The following MAST4 variants were observed in gnomAD, a reference collection of about 807,000 sequenced individuals.
MAST4 encodes microtubule associated serine/threonine kinase family member 4, also known as microtubule-associated serine/threonine-protein kinase 4.
A neutral mutation model predicts 162.7 loss-of-function variants in MAST4; 89 were observed. The observed-to-expected ratio is 0.55, with a 90% confidence interval of 0.46 to 0.65. The LOEUF is 0.65. Among genes scored for constraint, MAST4 ranks in the 30% least tolerant of loss-of-function variants. The pLI, the probability that MAST4 is intolerant of heterozygous loss-of-function variation, is 0.00. For synonymous variants in MAST4, 1,479 were observed against 1,361.1 expected, an observed-to-expected ratio of 1.09 and a Z score of -1.91; for missense variants, 3,153 against 3,374.0, an observed-to-expected ratio of 0.93 and a Z score of 1.62.
intron 5 of MAST4, among the ~76,000 whole-genome samples, chr5:67,084,000 A>G (rs1762956274): frequency 6.6e-6 from 1 of 152,162 alleles, no homozygotes. Context: ...AAAAGCTAAA[A>G]CATTCTCAAG....
At chr5:66,713,041 C>A (rs1006324626) in intron 1 of MAST4, among the ~76,000 whole-genome samples, 1 of 152,206 alleles carries the variant, frequency 6.6e-6, no homozygotes, top group African/African-American at 2.4e-5. Flanking sequence ...TCCACATATT[C>A]CCCCATGCCT....
At position 66,596,679 on chromosome 5, in the gene MAST4, G is replaced by A; in HGVS notation, c.24G>A (p.Ala8=). ...AAATGGGGGAGAAAGTTTCGGAGGC[G>A]CCAGAGCCGGTGCCCCGCGGCTGCA... MGEKVSE[A]PEPVPRGCSG... Residue 8 remains alanine (A), a synonymous_variant, in exon 1 of 29, where the codon GCG becomes GCA. Transcript: ENST00000403625. 2 of 1,466,194 alleles carry A rather than the reference G, an allele frequency of 1.4e-6. No homozygotes were observed. The highest frequency in any genetic ancestry group is 1.8e-6 in the Non-Finnish European group (2 of 1,110,582). The allele number at this position is 1,466,194 out of a possible 1,614,324, so 90.8% of individuals were successfully genotyped here. A position where few individuals can be genotyped will look rare whatever the true frequency, so the allele number is the denominator to read the frequency against.
At chr5:66,861,948 A>G (rs767665989) in intron 3 of MAST4, among the ~76,000 whole-genome samples, 2 of 152,166 alleles carry the variant, frequency 1.3e-5, no homozygotes, top group Non-Finnish European at 2.9e-5. Context: ...TTCACATAGG[A>G]ACCTGTGTGG....
At chr5:67,075,676 AG>A (rs969986041) in intron 5 of MAST4, among the ~76,000 whole-genome samples, 1 of 152,194 alleles carries the variant, frequency 6.6e-6, no homozygotes, top group Non-Finnish European at 1.5e-5. Flanking sequence ...GCTAGCCTAT[AG>A]GGGAAAGGTC....
intron 4 of MAST4, among the ~76,000 whole-genome samples, chr5:67,025,075 GT>G (rs1024661382): frequency 2.6e-5 from 4 of 151,932 alleles, no homozygotes; most frequent in African/African-American, 2.4e-5. Context: ...TACCTGTTTT[GT>G]TTTTTTATTT....
At chr5:67,131,103 T>C (rs746552104) in intron 15 of MAST4, among the ~76,000 whole-genome samples, 1 of 152,122 alleles carries the variant, frequency 6.6e-6, no homozygotes, top group Non-Finnish European at 1.5e-5. Flanking sequence ...CCTTTTAGTT[T>C]AACCTTTGCA....
chr5:66,662,600 G>T (rs1357780710), intron 1 of MAST4: 1 of 152,124 alleles, frequency 6.6e-6, no homozygotes, highest in Non-Finnish European at 1.5e-5. Flanking sequence ...AAGATAAAGG[G>T]ACAGTAGTAT....
At chr5:66,778,840 G>C (rs1338959556) in intron 2 of MAST4, among the ~76,000 whole-genome samples, 4 of 152,186 alleles carry the variant, frequency 2.6e-5, no homozygotes, top group African/African-American at 9.7e-5. Context: ...TTTGTTCAAA[G>C]ACCTTGATTT....
At chr5:66,712,801 C>T (rs1263358982) in intron 1 of MAST4, among the ~76,000 whole-genome samples, 3 of 152,092 alleles carry the variant, frequency 2.0e-5, no homozygotes, top group Non-Finnish European at 2.9e-5. Flanking sequence ...TCCACAAAGA[C>T]CTATCTATAG....
chr5:66,631,649 G>A (rs773783453), intron 1 of MAST4, among the ~76,000 whole-genome samples: 2 of 152,120 alleles, frequency 1.3e-5, no homozygotes. Flanking sequence ...AAAGCTCTTG[G>A]TGATTGTTGG....
chr5:66,963,269 A>G (rs1486314930), intron 4 of MAST4, among the ~76,000 whole-genome samples: 3 of 152,240 alleles, frequency 2.0e-5, no homozygotes, highest in Non-Finnish European at 4.4e-5. Context: ...TTTTCCTTGC[A>G]AAAGTGCTTA....
At chr5:66,678,563 C>T (rs986002870) in intron 1 of MAST4, among the ~76,000 whole-genome samples, 3 of 151,394 alleles carry the variant, frequency 2.0e-5, no homozygotes, top group African/African-American at 4.9e-5. Context: ...GACACGATCT[C>T]GGCTCACTGC....
chr5:66,964,577 A>G (rs946465152), intron 4 of MAST4, among the ~76,000 whole-genome samples: 1 of 152,168 alleles, frequency 6.6e-6, no homozygotes, highest in Non-Finnish European at 1.5e-5. Context: ...CGAGGCGGGC[A>G]GATCACGAAG....
chr5:66,877,745 C>T (rs565555990), intron 3 of MAST4, among the ~76,000 whole-genome samples: 17 of 152,008 alleles, frequency 1.1e-4, no homozygotes, highest in South Asian at 4.2e-4. Context: ...TTCCACAAAC[C>T]GAACAAGATC....
chr5:66,906,424 G>A (rs1392008330), intron 4 of MAST4, among the ~76,000 whole-genome samples: 1 of 152,134 alleles, frequency 6.6e-6, no homozygotes, highest in African/African-American at 2.4e-5. Context: ...TCTGAGAGTG[G>A]TTGGAGTCTA....
intron 1 of MAST4, among the ~76,000 whole-genome samples, chr5:66,726,887 G>A (rs1409877821): frequency 6.6e-6 from 1 of 152,046 alleles, no homozygotes; most frequent in Non-Finnish European, 1.5e-5. Flanking sequence ...CATGAAACTG[G>A]TCCCTGGTGC....
intron 3 of MAST4, among the ~76,000 whole-genome samples, chr5:66,866,615 C>T (rs1760540318): frequency 6.6e-6 from 1 of 152,152 alleles, no homozygotes. Context: ...GGCTTTGTTA[C>T]ATTTAAATGT....
intron 18 of MAST4, among the ~76,000 whole-genome samples, chr5:67,135,559 A>G (rs1769505133): frequency 6.6e-6 from 1 of 152,182 alleles, no homozygotes; most frequent in Non-Finnish European, 1.5e-5. Flanking sequence ...ATTCTTTTCT[A>G]TCTTTGATTT....
chr5:67,163,853 G>A lies in MAST4; in HGVS notation c.4674G>A (p.Gly1558=). The change falls in exon 29 of 29, where the codon GGG becomes GGA. Residue 1558 remains glycine (G), a synonymous_variant. Coordinates refer to ENST00000403625, the MANE Select transcript of MAST4 (RefSeq NM_001164664.2). This position sits in a 1 kb window ranked among gnomAD's most constrained non-coding sequence, Gnocchi z 7.0. ...CCCACCAGAAATCCCATGGACCCGG[G>A]AGTGATTTGGAAAACTTTGCTCTGT... is the stretch of plus-strand genomic sequence containing the variant. ...QESHQKSHGP[G]SDLENFALFK... is the part of the protein sequence containing the mutation. 1 of 1,613,912 alleles carries A rather than the reference G, an allele frequency of 6.2e-7. No individual in the cohort carries two copies. Among genetic ancestry groups the A allele is most frequent in the East Asian group, 2.2e-5 (1 of 44,876 alleles).
Sources: allele counts gnomAD v4.1 joint callset (sites outside exome capture counted in the v4.1 genomes callset), GRCh38; gene constraint gnomAD v4.1.1; non-coding constraint Gnocchi (gnomAD v3.1); transcripts MANE v1.5; gene names NCBI Gene and HGNC (gene_info 2026-07-23, HGNC 2026-07-21).